Variants in PTPRD observed in about 807,000 individuals in gnomAD.
PTPRD encodes the protein receptor-type tyrosine-protein phosphatase delta.
In PTPRD, 34 loss-of-function variants were observed where a neutral mutation model predicts 214.5. The observed-to-expected ratio is 0.16, with a 90% CI of 0.12 to 0.21. The LOEUF is 0.21. PTPRD is among the 10% of genes least tolerant of loss of function. PTPRD has a pLI of 1.00. For missense variants in PTPRD, 2,545 were observed against 2,398.7 expected, an observed-to-expected ratio of 1.06 and a Z score of -1.27; for synonymous variants, 1,128 against 845.7, an observed-to-expected ratio of 1.33 and a Z score of -5.79.
At chr9:8,387,314 A>G (rs982031008) in intron 37 of PTPRD, among the ~76,000 whole-genome samples, 2 of 152,150 alleles carry the variant, frequency 1.3e-5, no homozygotes, top group African/African-American at 4.8e-5. Flanking sequence ...TCCGCCAAGA[A>G]CTGCTCATTA....
chr9:10,409,311 A>G (rs1156662241), intron 2 of PTPRD, among the ~76,000 whole-genome samples: 1 of 151,766 alleles, frequency 6.6e-6, no homozygotes, highest in East Asian at 2.0e-4. Context: ...TAAAATTTAT[A>G]AAGTTGTGTA....
chr9:9,854,160 C>G (rs1778880402), intron 5 of PTPRD, among the ~76,000 whole-genome samples: 1 of 152,116 alleles, frequency 6.6e-6, no homozygotes, highest in Non-Finnish European at 1.5e-5. Context: ...TTACTCTAAC[C>G]TGCTATTTAC....
At chr9:10,460,787 C>T (rs2098952796) in intron 2 of PTPRD, among the ~76,000 whole-genome samples, 1 of 152,028 alleles carries the variant, frequency 6.6e-6, no homozygotes, top group Admixed American at 6.6e-5. Flanking sequence ...CATAAAACTC[C>T]TAGTAGAGAA....
At chr9:8,721,743 C>T (rs2098501406) in intron 12 of PTPRD, among the ~76,000 whole-genome samples, 1 of 152,206 alleles carries the variant, frequency 6.6e-6, no homozygotes, top group African/African-American at 2.4e-5. Context: ...AGGCAATCTG[C>T]TTCTGGTTTT....
At chr9:8,654,723 C>G (rs1047916219) in intron 12 of PTPRD, among the ~76,000 whole-genome samples, 7 of 152,032 alleles carry the variant, frequency 4.6e-5, no homozygotes, top group Admixed American at 1.3e-4. Context: ...AGTGAAACAA[C>G]CAATAATTAT....
At chr9:9,386,925 G>T (rs2064071694) in intron 9 of PTPRD, among the ~76,000 whole-genome samples, 1 of 152,164 alleles carries the variant, frequency 6.6e-6, no homozygotes, top group African/African-American at 2.4e-5. Flanking sequence ...AGGGAGAAAT[G>T]AAACAACCCT....
At chr9:9,356,932 A>G (rs191969610) in intron 9 of PTPRD, among the ~76,000 whole-genome samples, 1 of 151,548 alleles carries the variant, frequency 6.6e-6, no homozygotes, top group Admixed American at 6.6e-5. Flanking sequence ...GTTAACAAAC[A>G]GAAAATTAGA....
At chr9:8,713,416 A>T in intron 12 of PTPRD, 1 of 1,103,530 alleles carries the variant, frequency 9.1e-7, no homozygotes, top group Non-Finnish European at 1.4e-6. Context: ...CTTTGCACCT[A>T]ATCGTGTCGT....
At chr9:10,601,598 A>G (rs1300547146) in intron 2 of PTPRD, among the ~76,000 whole-genome samples, 3 of 151,796 alleles carry the variant, frequency 2.0e-5, no homozygotes, top group Non-Finnish European at 2.9e-5. Context: ...CTACAAAACA[A>G]AAACTTTGGA....
intron 3 of PTPRD, among the ~76,000 whole-genome samples, chr9:10,161,749 T>C (rs1264547865): frequency 6.6e-6 from 1 of 151,550 alleles, no homozygotes; most frequent in Non-Finnish European, 1.5e-5. Flanking sequence ...GTCAATAAAA[T>C]AAAGACATAA....
intron 14 of PTPRD, among the ~76,000 whole-genome samples, chr9:8,547,314 C>T (rs941429939): frequency 6.6e-6 from 1 of 151,934 alleles, no homozygotes; most frequent in Non-Finnish European, 1.5e-5. Context: ...ATTTAGTAAA[C>T]ACTAACTTAA....
chr9:9,937,762 G>C (rs1385434662), intron 5 of PTPRD, among the ~76,000 whole-genome samples: 1 of 152,102 alleles, frequency 6.6e-6, no homozygotes, highest in Non-Finnish European at 1.5e-5. Context: ...CATAAGTTAT[G>C]TGTAGGCCCA....
At chr9:9,079,149 T>C (rs927322688) in intron 10 of PTPRD, among the ~76,000 whole-genome samples, 3 of 152,084 alleles carry the variant, frequency 2.0e-5, no homozygotes, top group African/African-American at 7.2e-5. Context: ...CTATAACTTA[T>C]TCTTGCTATC....
intron 11 of PTPRD, among the ~76,000 whole-genome samples, chr9:8,800,902 T>C (rs1008768676): frequency 2.0e-5 from 3 of 152,148 alleles, no homozygotes; most frequent in African/African-American, 7.2e-5. Context: ...TTGGTAAAAA[T>C]TGTATGAATG....
At chr9:9,477,866 C>G (rs1055666834) in intron 8 of PTPRD, among the ~76,000 whole-genome samples, 3 of 152,070 alleles carry the variant, frequency 2.0e-5, no homozygotes, top group Admixed American at 6.6e-5. Flanking sequence ...ATTGCTTAAT[C>G]TTTGTTGATT....
chr9:8,320,671 G>T (rs1390375773), intron 44 of PTPRD, among the ~76,000 whole-genome samples: 1 of 152,016 alleles, frequency 6.6e-6, no homozygotes, highest in Non-Finnish European at 1.5e-5. Flanking sequence ...AAATGGTTAA[G>T]AGCCATTGAT....
Position 9,090,943 on chromosome 9 carries a change from G to A in PTPRD, c.-142-72208C>T, listed in dbSNP as rs895473533. On this transcript the variant is annotated intron_variant, in intron 10 of 45. Coordinates refer to ENST00000381196, the MANE Select transcript of PTPRD (RefSeq NM_002839.4). ...CAATGGTCGTGCCAAAAAGGGCTGC[G>A]GCCACGTGCAGCCTATTCGCTGCAC... 3.3e-5 allele frequency: 52 copies of A among 1,564,430 alleles called. No homozygotes were observed. The African/African-American group carries it at 4.7e-4, about 14-fold the overall frequency.
intron 7 of PTPRD, among the ~76,000 whole-genome samples, chr9:9,716,081 C>T (rs1230943118): frequency 6.6e-6 from 1 of 151,584 alleles, no homozygotes; most frequent in Non-Finnish European, 1.5e-5. Context: ...TCAGTTCCCA[C>T]CTATGAGTGA....
intron 2 of PTPRD, among the ~76,000 whole-genome samples, chr9:10,462,672 A>C (rs911457869): frequency 6.6e-6 from 1 of 151,962 alleles, no homozygotes; most frequent in Non-Finnish European, 1.5e-5. Context: ...AGAGTGAGCT[A>C]GTATTGGAAG....
Sources: allele counts gnomAD v4.1 joint callset (sites outside exome capture counted in the v4.1 genomes callset), GRCh38; gene constraint gnomAD v4.1.1; transcripts MANE v1.5; gene names NCBI Gene and HGNC (gene_info 2026-07-23, HGNC 2026-07-21).